Variants in RANBP2 observed in about 807,000 individuals in gnomAD.
RANBP2 encodes RAN binding protein 2.
Under a neutral mutation model 303.6 loss-of-function variants are expected in RANBP2, and 57 were observed. The observed-to-expected ratio is 0.19, with a 90% CI of 0.15 to 0.23. RANBP2 has a LOEUF of 0.23. Among genes scored for constraint, RANBP2 ranks in the 10% least tolerant of loss-of-function variants. The probability of loss-of-function intolerance (pLI) is 1.00; values close to 1 mark genes in which losing one functional copy is unlikely to be tolerated. For missense variants in RANBP2, 3,138 were observed against 3,780.8 expected (o/e 0.83, Z 4.46); for synonymous variants, 1,167 against 1,301.5 (o/e 0.90, Z 2.23).
At chr2:109,486,048 T>G in the RANBP2 span, among the ~76,000 whole-genome samples, 1 of 152,278 alleles carries the variant, frequency 6.6e-6, no homozygotes, top group South Asian at 2.1e-4. Context: ...GGCCCTGCTT[T>G]CAACCCATGT....
chr2:108,943,931 G>T, the RANBP2 span, among the ~76,000 whole-genome samples: 1 of 152,216 alleles, frequency 6.6e-6, no homozygotes, highest in South Asian at 2.1e-4. Context: ...CCAAAACAGG[G>T]AGACAGGTTT....
chr2:109,592,301 C>G, the RANBP2 span, among the ~76,000 whole-genome samples: 1 of 151,358 alleles, frequency 6.6e-6, no homozygotes, highest in African/African-American at 2.4e-5. Flanking sequence ...CCCGTCTCTA[C>G]TAAAAATACA....
chr2:109,130,871 T>C, the RANBP2 span, among the ~76,000 whole-genome samples: 3 of 152,216 alleles, frequency 2.0e-5, no homozygotes, highest in Non-Finnish European at 2.9e-5. Context: ...TTTTAAAAGC[T>C]TCTTACAGCT....
the RANBP2 span, among the ~76,000 whole-genome samples, chr2:109,297,874 C>A: frequency 6.6e-6 from 1 of 152,052 alleles, no homozygotes; most frequent in Non-Finnish European, 1.5e-5. Flanking sequence ...CAGGCCAATA[C>A]CCTCCACATG....
chr2:109,482,172 GC>G, the RANBP2 span, among the ~76,000 whole-genome samples: 1 of 152,168 alleles, frequency 6.6e-6, no homozygotes, highest in Non-Finnish European at 1.5e-5. Context: ...GCATCTCAGA[GC>G]CTGTTTTTTC....
At chr2:109,000,962 G>T in the RANBP2 span, among the ~76,000 whole-genome samples, 3 of 152,268 alleles carry the variant, frequency 2.0e-5, no homozygotes, top group South Asian at 6.2e-4. Flanking sequence ...CCAGGTGAGG[G>T]ACTGGGTTCC....
chr2:108,823,125 A>G, the RANBP2 span, among the ~76,000 whole-genome samples: 6 of 152,212 alleles, frequency 3.9e-5, no homozygotes, highest in African/African-American at 1.2e-4. Context: ...GAAAAGTCCA[A>G]TGATTAGTAT....
the RANBP2 span, among the ~76,000 whole-genome samples, chr2:109,661,177 C>T: frequency 3.3e-5 from 5 of 151,948 alleles, no homozygotes; most frequent in Non-Finnish European, 7.4e-5. Context: ...CAACATGAAG[C>T]TTCCTGTTTG....
the RANBP2 span, among the ~76,000 whole-genome samples, chr2:108,872,359 C>T: frequency 5.9e-5 from 9 of 152,130 alleles, no homozygotes; most frequent in African/African-American, 2.2e-4. Flanking sequence ...ACACATACCT[C>T]GGTAAATTAT....
chr2:109,239,098 C>T, the RANBP2 span, among the ~76,000 whole-genome samples: 173 of 152,326 alleles, frequency 1.1e-3, 1 homozygote, highest in Middle Eastern at 3.4e-3. Context: ...CAGGAGAAGA[C>T]GTCCAAGACA....
At chr2:109,544,073 A>G in the RANBP2 span, 3 of 1,326,218 alleles carry the variant, frequency 2.3e-6, no homozygotes, top group Non-Finnish European at 3.1e-6. Context: ...TCAGATTTTG[A>G]AGCTTCTGGA....
the RANBP2 span, among the ~76,000 whole-genome samples, chr2:109,635,491 G>A: frequency 1.5e-4 from 23 of 152,280 alleles, no homozygotes; most frequent in Middle Eastern, 3.4e-3. Flanking sequence ...CTAGCATATT[G>A]TATTTTAAGC....
At chr2:109,581,252 C>A in the RANBP2 span, among the ~76,000 whole-genome samples, 3 of 152,136 alleles carry the variant, frequency 2.0e-5, no homozygotes, top group African/African-American at 7.2e-5. Flanking sequence ...CCAGCCTGAC[C>A]AACATGGTGA....
the RANBP2 span, among the ~76,000 whole-genome samples, chr2:109,334,496 G>A: frequency 0.018 from 2,728 of 152,198 alleles, 99 homozygotes; most frequent in African/African-American, 0.063. Context: ...CGCAATAAGG[G>A]CACAGACTGG....
intron 25 of RANBP2, among the ~76,000 whole-genome samples, chr2:108,780,682 A>G (rs1678193893): frequency 6.7e-6 from 1 of 148,734 alleles, no homozygotes; most frequent in East Asian, 2.0e-4. Context: ...GGCGCATACC[A>G]CCACTCCCGG....
chr2:109,654,861 A>G, the RANBP2 span, among the ~76,000 whole-genome samples: 1 of 151,354 alleles, frequency 6.6e-6, no homozygotes, highest in Non-Finnish European at 1.5e-5. Flanking sequence ...GACCTCTCAG[A>G]GTGCTCTAAT....
At chr2:109,331,646 A>G in the RANBP2 span, among the ~76,000 whole-genome samples, 102 of 152,282 alleles carry the variant, frequency 6.7e-4, 1 homozygote, top group African/African-American at 2.4e-3. Flanking sequence ...CTGTCCCCTT[A>G]TAAAGTGTAT....
At chr2:108,943,184 C>T in the RANBP2 span, among the ~76,000 whole-genome samples, 1 of 152,058 alleles carries the variant, frequency 6.6e-6, no homozygotes, top group African/African-American at 2.4e-5. Context: ...TTCGTTTCTT[C>T]GTCATTCTCT....
the RANBP2 span, among the ~76,000 whole-genome samples, chr2:109,743,563 A>C: frequency 1.4e-5 from 2 of 143,758 alleles, no homozygotes; most frequent in African/African-American, 5.3e-5. Context: ...ATATTTGCAA[A>C]GATATATCTG....
Sources: gnomAD v4.1 joint callset for allele counts (sites outside exome capture counted in the v4.1 genomes callset) on GRCh38, gnomAD v4.1.1 for gene constraint, MANE v1.5 for transcripts, NCBI Gene and HGNC (gene_info 2026-07-23, HGNC 2026-07-21) for gene names.